The following ZNF385D variants were observed in gnomAD, a reference collection of about 807,000 sequenced individuals.
ZNF385D encodes the protein zinc finger protein 385D, also known as zinc finger protein 659.
ZNF385D carries 15 observed loss-of-function variants against 35.8 expected under a neutral mutation model. The observed-to-expected ratio is 0.42, with a 90% CI of 0.28 to 0.64. The LOEUF (loss-of-function observed/expected upper bound fraction) is 0.64. ZNF385D is among the 30% of genes least tolerant of loss of function. ZNF385D has a pLI of 0.23. For missense variants in ZNF385D, 474 were observed against 494.6 expected (o/e 0.96, Z 0.39); for synonymous variants, 212 against 186.8 (o/e 1.13, Z -1.10).
rs34042525 is a variant in ZNF385D at position 21,796,553 on chromosome 3, A to AT, written c.326-131526dup. ...AACTGGATATCCACATGCAAAAAAA[A>AT]TTTTTTTTTAAAAAGGAATCTACAC... On this transcript the variant is annotated intron_variant, in intron 3 of 5. Transcript: ENST00000494108. Among the ~76,000 whole-genome samples the AT allele has an allele frequency of 2.8e-3, 428 of 151,610 alleles. 2 individuals carry two copies. Among genetic ancestry groups the AT allele is most frequent in the Non-Finnish European group, 3.9e-3 (268 of 67,866 alleles).
intron 3 of ZNF385D, among the ~76,000 whole-genome samples, chr3:22,063,675 GC>G (rs1034194864): frequency 3.9e-5 from 6 of 152,180 alleles, no homozygotes; most frequent in Admixed American, 3.9e-4. Flanking sequence ...CATGCTGCGT[GC>G]TGATAGCCCT....
At chr3:22,186,054 GACAA>G (rs1695609556) in intron 2 of ZNF385D, among the ~76,000 whole-genome samples, 1 of 151,874 alleles carries the variant, frequency 6.6e-6, no homozygotes, top group Non-Finnish European at 1.5e-5. Flanking sequence ...GACTTTCCTG[GACAA>G]ACACTCACAC....
intron 3 of ZNF385D, among the ~76,000 whole-genome samples, chr3:22,079,935 T>C (rs1266589865): frequency 6.6e-6 from 1 of 151,976 alleles, no homozygotes; most frequent in African/African-American, 2.4e-5. Context: ...CATATATACA[T>C]ATGTATATAG....
intron 2 of ZNF385D, among the ~76,000 whole-genome samples, chr3:21,592,939 C>T (rs1575272995): frequency 6.6e-6 from 1 of 152,268 alleles, no homozygotes; most frequent in Middle Eastern, 3.4e-3. Flanking sequence ...ACACCTGCTA[C>T]AGGGCAGCAA....
At chr3:22,089,082 A>G (rs1242785634) in intron 3 of ZNF385D, among the ~76,000 whole-genome samples, 2 of 152,164 alleles carry the variant, frequency 1.3e-5, no homozygotes, top group African/African-American at 2.4e-5. Flanking sequence ...CAAGAAAAAG[A>G]TACATTTTCT....
At chr3:21,687,098 A>AGGAAGCCAGACCAGCTTCTG (rs2067129505) in intron 1 of ZNF385D, among the ~76,000 whole-genome samples, 2 of 152,186 alleles carry the variant, frequency 1.3e-5, no homozygotes, top group African/African-American at 4.8e-5. Flanking sequence ...ACAATAGGTA[A>AGGAAGCCAGACCAGCTTCTG]GGAAGCCAGA....
intron 3 of ZNF385D, among the ~76,000 whole-genome samples, chr3:21,837,870 C>CAAAAAA (rs57424579): frequency 8.6e-5 from 12 of 138,960 alleles, no homozygotes; most frequent in Non-Finnish European, 9.2e-5. Context: ...GACTCCATCT[C>CAAAAAA]AAAAAAAAAA....
chr3:22,317,536 C>T (rs1703969536), intron 2 of ZNF385D, among the ~76,000 whole-genome samples: 1 of 151,956 alleles, frequency 6.6e-6, no homozygotes, highest in Non-Finnish European at 1.5e-5. Flanking sequence ...CATCTCCACC[C>T]CTCACCCTCC....
rs1351680557 is a variant in ZNF385D at position 22,328,787 on chromosome 3, G to C, written c.106+43663C>G. On this transcript the variant is annotated intron_variant, in intron 2 of 5. Coordinates refer to the ZNF385D transcript ENST00000494108. Reference sequence around the variant, plus strand: ...AAAAAAAAAAAGTTAATAAAAAAGAGTTTATTGGCCGGGCGCGGTGGCTCA... The same window carrying C: ...AAAAAAAAAAAGTTAATAAAAAAGACTTTATTGGCCGGGCGCGGTGGCTCA... 2.0e-5 allele frequency among the ~76,000 whole-genome samples: 3 copies of C among 146,528 alleles called. No individual in the cohort carries two copies. In the South Asian group the frequency reaches 6.6e-4, roughly 32 times the overall value.
At chr3:22,257,442 GCAT>G (rs1472748919) in intron 2 of ZNF385D, among the ~76,000 whole-genome samples, 8 of 151,612 alleles carry the variant, frequency 5.3e-5, no homozygotes, top group Non-Finnish European at 7.4e-5. Flanking sequence ...ATGTGCAATT[GCAT>G]CATCATTTCC....
At chr3:22,079,438 T>C (rs1246175082) in intron 3 of ZNF385D, among the ~76,000 whole-genome samples, 1 of 151,916 alleles carries the variant, frequency 6.6e-6, no homozygotes, top group African/African-American at 2.4e-5. Context: ...TTTTCTATAA[T>C]TCTAAATGGA....
At chr3:22,254,977 G>A (rs1284895450) in intron 2 of ZNF385D, among the ~76,000 whole-genome samples, 2 of 151,776 alleles carry the variant, frequency 1.3e-5, no homozygotes, top group African/African-American at 4.8e-5. Context: ...GTCCCAGGAG[G>A]ATGAAGCAGG....
chr3:21,626,197 TCAGAGG>T (rs2065129495), intron 2 of ZNF385D, among the ~76,000 whole-genome samples: 3 of 152,030 alleles, frequency 2.0e-5, no homozygotes. Context: ...CCAAGATATG[TCAGAGG>T]CAGAGGTTGT....
chr3:22,017,366 T>G (rs746363903), intron 3 of ZNF385D, among the ~76,000 whole-genome samples: 1 of 152,130 alleles, frequency 6.6e-6, no homozygotes, highest in Non-Finnish European at 1.5e-5. Flanking sequence ...GTTCTTTCGG[T>G]TCGTAGATCT....
intron 3 of ZNF385D, among the ~76,000 whole-genome samples, chr3:21,783,153 G>C (rs985387642): frequency 1.3e-5 from 2 of 152,064 alleles, no homozygotes; most frequent in African/African-American, 2.4e-5. Flanking sequence ...TTCTATTTAT[G>C]AACTTTCACG....
At chr3:21,953,388 C>T (rs1401762804) in intron 3 of ZNF385D, among the ~76,000 whole-genome samples, 1 of 151,622 alleles carries the variant, frequency 6.6e-6, no homozygotes, top group Non-Finnish European at 1.5e-5. Context: ...TCTGATTTTT[C>T]ATTATATCAT....
At chr3:21,758,866 A>G (rs1252024488) in intron 3 of ZNF385D, among the ~76,000 whole-genome samples, 2 of 151,500 alleles carry the variant, frequency 1.3e-5, no homozygotes, top group African/African-American at 4.9e-5. Context: ...AATAGATATT[A>G]TAACCAAAAA....
chr3:22,348,485 TAA>T lies in ZNF385D; in HGVS notation c.106+23963_106+23964del, dbSNP rs1168729541. On this transcript the variant is annotated intron_variant, in intron 2 of 5. Transcript: ENST00000494108. Reference sequence around the variant, plus strand: ...CAACATGGAGAAACTCCATCTCTACTAAAAAAAAAAAAAAAAAAAAAATACAA... The same window carrying T: ...CAACATGGAGAAACTCCATCTCTACTAAAAAAAAAAAAAAAAAAAATACAA... Among the ~76,000 whole-genome samples, 566 of 84,856 alleles carry T rather than the reference TAA, an allele frequency of 6.7e-3. 9 individuals carry two copies. The highest frequency in any genetic ancestry group is 0.028 in the African/African-American group (497 of 17,582). 55.7% of individuals were successfully genotyped at this position (84,856 alleles called of 152,430 possible).
chr3:22,123,101 G>A (rs1470565426), intron 3 of ZNF385D, among the ~76,000 whole-genome samples: 1 of 152,096 alleles, frequency 6.6e-6, no homozygotes, highest in African/African-American at 2.4e-5. Context: ...GAAACACTCT[G>A]GATGATGAGT....
Sources: gnomAD v4.1 joint callset for allele counts (sites outside exome capture counted in the v4.1 genomes callset) on GRCh38, gnomAD v4.1.1 for gene constraint, MANE v1.5 for transcripts, NCBI Gene and HGNC (gene_info 2026-07-23, HGNC 2026-07-21) for gene names.